Variants in ANK3 observed in about 807,000 individuals in gnomAD.
ANK3 encodes the protein ankyrin 3.
Under a neutral mutation model 370.9 loss-of-function variants are expected in ANK3, and 57 were observed. The observed-to-expected ratio is 0.15, with a 90% CI of 0.12 to 0.19. The LOEUF (loss-of-function observed/expected upper bound fraction) is 0.19, where lower values mean the gene tolerates loss of function less well. ANK3 is among the 10% of genes least tolerant of loss of function. ANK3 has a pLI of 1.00. For missense variants in ANK3, 4,439 were observed against 5,302.1 expected, an observed-to-expected ratio of 0.84 and a Z score of 5.06; for synonymous variants, 1,929 against 1,946.3, an observed-to-expected ratio of 0.99 and a Z score of 0.23.
At chr10:60,055,629 G>T in intron 42 of ANK3, 29 bp downstream of exon 42, 1 of 1,555,680 alleles carries the variant, frequency 6.4e-7, no homozygotes, top group South Asian at 1.2e-5. Flanking sequence ...CCATTTCAAT[G>T]ACTGCTACCG....
chr10:60,529,735 T>C (rs1021964739), intron 2 of ANK3, among the ~76,000 whole-genome samples: 7 of 152,304 alleles, frequency 4.6e-5, no homozygotes, highest in African/African-American at 7.2e-5. Context: ...CTGGCATATA[T>C]GAGATGTGAC....
chr10:60,396,635 T>A lies in ANK3; in HGVS notation c.97-116996A>T, dbSNP rs552772143. Reference sequence around the variant, plus strand: ...CCTTGTGGAAATAAGTCTTGTTGTTTCATAGTCAAATGTAACATTCTATGA... The same window carrying A: ...CCTTGTGGAAATAAGTCTTGTTGTTACATAGTCAAATGTAACATTCTATGA... On this transcript the variant is annotated intron_variant, in intron 2 of 43. Coordinates refer to the ANK3 transcript ENST00000373827. Among the ~76,000 whole-genome samples, 19 of 152,338 alleles carry A rather than the reference T, an allele frequency of 1.2e-4. No individual in the cohort carries two copies. In the East Asian group the frequency reaches 3.7e-3, roughly 29 times the overall value.
chr10:60,537,630 G>A (rs1454195617), intron 2 of ANK3, among the ~76,000 whole-genome samples: 2 of 151,694 alleles, frequency 1.3e-5, no homozygotes, highest in African/African-American at 4.8e-5. Context: ...GGAAGAAAAT[G>A]GAAATTAATT....
chr10:60,581,418 CTTT>C (rs56317709), intron 2 of ANK3, among the ~76,000 whole-genome samples: 9 of 123,454 alleles, frequency 7.3e-5, no homozygotes, highest in South Asian at 2.8e-4. Flanking sequence ...GTATTTTGCC[CTTT>C]TTTTTTTTTT....
rs530599105 is a variant in ANK3 at position 60,636,354 on chromosome 10, T to C, written c.58-21130A>G. Among the ~76,000 whole-genome samples, 44 of 152,318 alleles carry C rather than the reference T, an allele frequency of 2.9e-4. No homozygotes were observed. In the South Asian group the frequency reaches 8.7e-3, roughly 30 times the overall value. On this transcript the variant is annotated intron_variant, in intron 1 of 43. Coordinates refer to the ANK3 transcript ENST00000373827. ...GGGTTAGTGACTTGACCAAGATTGCTAAACCTATTAATTCCTAAGCTAAGC... is the reference window on the plus strand; with the variant it reads ...GGGTTAGTGACTTGACCAAGATTGCCAAACCTATTAATTCCTAAGCTAAGC...
At chr10:60,065,506 T>C (rs1193996818) in intron 38 of ANK3, among the ~76,000 whole-genome samples, 3 of 152,206 alleles carry the variant, frequency 2.0e-5, no homozygotes, top group African/African-American at 7.2e-5. Flanking sequence ...AAGTCCATTA[T>C]CTTTTGACCA....
chr10:60,086,985 G>C, intron 29 of ANK3, 101 bp from the exon 30 acceptor site: 32 of 115,072 alleles, frequency 2.8e-4, no homozygotes, highest in Non-Finnish European at 3.1e-4. Context: ...AACAAAAACA[G>C]ACAACCAAAA....
At chr10:60,135,373 T>C (rs1407548530) in intron 24 of ANK3, among the ~76,000 whole-genome samples, 1 of 152,226 alleles carries the variant, frequency 6.6e-6, no homozygotes, top group African/African-American at 2.4e-5. Flanking sequence ...TTTCTAATGA[T>C]GTATGAGGCT....
At chr10:60,712,033 A>G (rs2079717008) in intron 1 of ANK3, among the ~76,000 whole-genome samples, 1 of 152,330 alleles carries the variant, frequency 6.6e-6, no homozygotes, top group South Asian at 2.1e-4. Flanking sequence ...AATTGAGGGA[A>G]TATGTCACCA....
chr10:60,082,700 G>A lies in ANK3; in HGVS notation c.4238C>T (p.Ser1413Phe). ...TGTTGTCTTTGGTTCTTTCAGAAAA[G>A]ACAGACGACCACAGGGCTCTTGGCT... ...DTSQEPCGRL[S>F]FLKEPKTTKG... is the part of the protein sequence containing the mutation. Residue 1413 changes from serine to phenylalanine, a missense_variant, in exon 34 of 44, where the codon TCT (serine) becomes TTT (phenylalanine). By Grantham distance (155) the Ser-to-Phe change is radical (BLOSUM62 -2). Coordinates refer to ENST00000280772, the MANE Select transcript of ANK3 (RefSeq NM_020987.5). 3.1e-6 allele frequency: 5 copies of A among 1,614,064 alleles called. No homozygotes were observed. The highest frequency in any genetic ancestry group is 4.2e-6 in the Non-Finnish European group (5 of 1,179,962).
intron 2 of ANK3, among the ~76,000 whole-genome samples, chr10:60,487,999 C>A (rs1486776268): frequency 6.6e-6 from 1 of 152,094 alleles, no homozygotes; most frequent in Non-Finnish European, 1.5e-5. Flanking sequence ...CTTTTCAAAA[C>A]CCTGGGCATC....
At chr10:60,334,486 T>C (rs2052302851) in intron 1 of ANK3, among the ~76,000 whole-genome samples, 2 of 152,144 alleles carry the variant, frequency 1.3e-5, no homozygotes, top group South Asian at 4.1e-4. Flanking sequence ...CAAGTCTATC[T>C]AGGTGCAGAG....
intron 1 of ANK3, among the ~76,000 whole-genome samples, chr10:60,364,174 A>G (rs2059070917): frequency 6.6e-6 from 1 of 151,500 alleles, no homozygotes; most frequent in Non-Finnish European, 1.5e-5. Flanking sequence ...GGTGCCTTTA[A>G]TCCCAGCTAC....
intron 1 of ANK3, among the ~76,000 whole-genome samples, chr10:60,628,751 A>G (rs1171113982): frequency 6.6e-6 from 1 of 152,236 alleles, no homozygotes; most frequent in Non-Finnish European, 1.5e-5. Flanking sequence ...GTTTAAAAAA[A>G]ATCGTTAATA....
chr10:60,704,298 A>G (rs1023487665), intron 1 of ANK3, among the ~76,000 whole-genome samples: 30 of 152,190 alleles, frequency 2.0e-4, no homozygotes, highest in African/African-American at 7.0e-4. Context: ...TCACATCCAT[A>G]TCAGTTTTAT....
In ANK3 at chr10:60,389,462, C is replaced by T. The variant is rs2062899174; in HGVS notation, c.77G>A (p.Arg26Lys). 1 of 1,613,944 alleles carries T rather than the reference C, an allele frequency of 6.2e-7. No homozygotes were observed. Among genetic ancestry groups the T allele is most frequent in the East Asian group, 2.2e-5 (1 of 44,878 alleles). The change falls in exon 1 of 44, where the codon AGG (arginine) becomes AAG (lysine). Residue 26 changes from arginine to lysine, a missense_variant. By Grantham distance (26) the Arg-to-Lys change is conservative. Around this residue, in one of 13 missense-constraint regions of ANK3, gnomAD observed 54 missense variants for 52.7 expected, o/e 1.02. Coordinates refer to ENST00000280772, the MANE Select transcript of ANK3 (RefSeq NM_020987.5). ...INAEEEPEKK[R>K]KHRKRSRDRK... is the part of the protein sequence containing the mutation. ...ATCCCGGGACCGTTTGCGGTGTTTC[C>T]TTTTTTTCTCAGGCTCTTCTTCAGC...
At chr10:60,146,033 A>C (rs951998151) in intron 23 of ANK3, 1 of 1,460,666 alleles carries the variant, frequency 6.8e-7, no homozygotes, top group East Asian at 2.5e-5. Context: ...TATTCAAAAA[A>C]TGAATAAAAT....
At chr10:60,594,088 G>T (rs192216836) in intron 2 of ANK3, among the ~76,000 whole-genome samples, 69 of 152,240 alleles carry the variant, frequency 4.5e-4, no homozygotes, top group African/African-American at 1.6e-3. Flanking sequence ...ACTTATTAAA[G>T]AATTATCTGT....
At chr10:60,448,550 T>C (rs541388470) in intron 2 of ANK3, among the ~76,000 whole-genome samples, 1 of 152,332 alleles carries the variant, frequency 6.6e-6, no homozygotes, top group African/African-American at 2.4e-5. Context: ...AAATTGTTCC[T>C]CTTCTTTTAC....
Sources: gnomAD v4.1 joint callset for allele counts (sites outside exome capture counted in the v4.1 genomes callset) on GRCh38, gnomAD v4.1.1 for gene constraint, gnomAD v4.1.1 regional missense constraint, MANE v1.5 for transcripts, NCBI Gene and HGNC (gene_info 2026-07-23, HGNC 2026-07-21) for gene names.